The following ANKMY2 variants were observed in gnomAD, a reference collection of about 807,000 sequenced individuals.
ANKMY2 encodes ankyrin repeat and MYND domain-containing protein 2.
Under a neutral mutation model 50.4 loss-of-function variants are expected in ANKMY2, and 36 were observed. That is an observed-to-expected ratio of 0.71 (90% confidence interval 0.55 to 0.94). The LOEUF is 0.94. ANKMY2 is among the 40% of genes least tolerant of loss of function. ANKMY2 has a pLI of 0.00. For missense variants in ANKMY2, 565 were observed against 524.0 expected (o/e 1.08, Z -0.76); for synonymous variants, 187 against 178.8 (o/e 1.05, Z -0.36).
chr7:16,616,081 A>G (rs890026619), intron 4 of ANKMY2, among the ~76,000 whole-genome samples, 177 bp from the exon 5 acceptor site: 3 of 152,204 alleles, frequency 2.0e-5, no homozygotes, highest in Admixed American at 6.5e-5. Flanking sequence ...AACATTTATA[A>G]ACATTCCTTG....
rs1562470347 is a variant in ANKMY2, at chr7:16,645,523, C to T, written c.51G>A (p.Leu17=). 6.2e-7 allele frequency: 1 copy of T among 1,611,822 alleles called. No homozygotes were observed. ...GELTQEEKEL[L]EVIGKGTVQE... Reference sequence around the variant, plus strand: ...CACCCGTACCTTTCCCGATGACTTCCAGTAGCTCCTTCTCCTCCTGGGTCA... The same window carrying T: ...CACCCGTACCTTTCCCGATGACTTCTAGTAGCTCCTTCTCCTCCTGGGTCA... Residue 17 remains leucine, a synonymous_variant, in exon 1 of 10, where the codon CTG becomes CTA. Transcript: ENST00000306999.
chr7:16,632,332 C>T (rs1208040177), intron 2 of ANKMY2, among the ~76,000 whole-genome samples: 1 of 152,094 alleles, frequency 6.6e-6, no homozygotes, highest in South Asian at 2.1e-4. Flanking sequence ...GCAGCCATCA[C>T]CACAATCAAT....
Position 16,619,081 on chromosome 7 carries a change from G to C in ANKMY2, c.371-3177C>G, listed in dbSNP as rs145230083. On this transcript the variant is annotated intron_variant, in intron 4 of 9. Transcript: ENST00000306999. The stretch of plus-strand genomic sequence containing the variant: ...AATTAGGAAAAGCAGGCAGCAGGTA[G>C]AAATATCTGTACATAAAAATAATTG... Among the ~76,000 whole-genome samples the C allele has an allele frequency of 8.6e-3, 1,307 of 151,532 alleles. 24 individuals are homozygous for C. Among genetic ancestry groups the C allele is most frequent in the African/African-American group, 0.029 (1,218 of 41,342 alleles).
chr7:16,621,912 T>C (rs994382026), intron 4 of ANKMY2, among the ~76,000 whole-genome samples: 2 of 151,932 alleles, frequency 1.3e-5, no homozygotes, highest in Admixed American at 1.3e-4. Context: ...GAGGTTGCAG[T>C]GAGCCGAGAT....
At chr7:16,640,232 T>C (rs565265357) in intron 1 of ANKMY2, among the ~76,000 whole-genome samples, 2 of 152,292 alleles carry the variant, frequency 1.3e-5, no homozygotes, top group Non-Finnish European at 2.9e-5. Context: ...AGTTTCCTTA[T>C]CTATGAAATA....
intron 4 of ANKMY2, among the ~76,000 whole-genome samples, chr7:16,624,072 T>A (rs1781476894): frequency 6.6e-6 from 1 of 152,194 alleles, no homozygotes. Flanking sequence ...CCTTGGAGTA[T>A]GTGTTTTCGC....
In ANKMY2 at chr7:16,625,067, T is replaced by C; in HGVS notation, c.286A>G (p.Thr96Ala). The C allele has an allele frequency of 1.2e-6, 2 of 1,613,896 alleles. No homozygotes were observed. The highest frequency in any genetic ancestry group is 1.7e-6 in the Non-Finnish European group (2 of 1,179,772). The change falls in exon 4 of 10, where the codon ACA becomes GCA. Residue 96 changes from threonine to alanine, a missense_variant. By Grantham distance (58) the Thr-to-Ala change is moderately conservative (BLOSUM62 0). Coordinates refer to ENST00000306999, the MANE Select transcript of ANKMY2 (RefSeq NM_020319.3). ...GCACCAGCTTCTAACATTACCCATG[T>C]GATGTCTTTATTACCTAGAGTTTTA... ...FAALSGNKDI[T>A]WVMLEAGAET...
intron 7 of ANKMY2, among the ~76,000 whole-genome samples, chr7:16,605,665 T>C (rs1399097786): frequency 7.0e-6 from 1 of 142,954 alleles, no homozygotes; most frequent in Non-Finnish European, 1.5e-5. Flanking sequence ...GCCCAGCTAA[T>C]TTTTTGTACT....
chr7:16,637,076 G>T (rs988973669), intron 1 of ANKMY2, among the ~76,000 whole-genome samples: 1 of 152,166 alleles, frequency 6.6e-6, no homozygotes, highest in African/African-American at 2.4e-5. Context: ...AAAGTTGTCA[G>T]GTTTTTCCAG....
At chr7:16,630,252 G>C (rs1174748752) in intron 2 of ANKMY2, among the ~76,000 whole-genome samples, 1 of 152,012 alleles carries the variant, frequency 6.6e-6, no homozygotes, top group Admixed American at 6.6e-5. Context: ...AAAATCTCCA[G>C]AATTTTCACT....
intron 1 of ANKMY2, among the ~76,000 whole-genome samples, chr7:16,642,594 A>G (rs562056550): frequency 6.6e-6 from 1 of 152,216 alleles, no homozygotes; most frequent in Non-Finnish European, 1.5e-5. Context: ...TTGTTAGTTC[A>G]AAGTACTAGA....
chr7:16,601,518 A>G (rs563812641), intron 9 of ANKMY2, among the ~76,000 whole-genome samples: 131 of 152,376 alleles, frequency 8.6e-4, no homozygotes, highest in Non-Finnish European at 1.6e-3. Context: ...AGTTTGGTCA[A>G]GAAAACAAGA....
chr7:16,642,683 A>T (rs547106033), intron 1 of ANKMY2, among the ~76,000 whole-genome samples: 4 of 151,756 alleles, frequency 2.6e-5, no homozygotes, highest in African/African-American at 9.6e-5. Context: ...CACCCACTTT[A>T]AAAAAAATGC....
At chr7:16,625,594 GC>G (rs1781496596) in intron 3 of ANKMY2, among the ~76,000 whole-genome samples, 1 of 152,012 alleles carries the variant, frequency 6.6e-6, no homozygotes, top group African/African-American at 2.4e-5. Flanking sequence ...TGGGTATTTT[GC>G]TATTATGAAC....
chr7:16,641,362 A>C (rs1173326457), intron 1 of ANKMY2, among the ~76,000 whole-genome samples: 1 of 152,244 alleles, frequency 6.6e-6, no homozygotes, highest in Non-Finnish European at 1.5e-5. Context: ...TTTGTAAAAA[A>C]ATGATCTTAA....
At position 16,615,836 on chromosome 7, in the gene ANKMY2, G is replaced by A; in HGVS notation, c.439C>T (p.Pro147Ser). ...PRERLDYYTK[P>S]QGLDKEPKLP... is the part of the protein sequence containing the mutation. ...TTTGGCTCTTTATCCAGTCCCTGGGGCTTAGTGTAATAATCCAGTCTCTCT... is the reference window on the plus strand; with the variant it reads ...TTTGGCTCTTTATCCAGTCCCTGGGACTTAGTGTAATAATCCAGTCTCTCT... Residue 147 changes from proline to serine, a missense_variant, in exon 5 of 10, where the codon CCC (proline) becomes TCC (serine). By Grantham distance (74) the Pro-to-Ser change is moderately conservative. Coordinates refer to ENST00000306999, the MANE Select transcript of ANKMY2 (RefSeq NM_020319.3). 17 of 1,614,128 alleles carry A rather than the reference G, an allele frequency of 1.1e-5. No homozygotes were observed. The highest frequency in any genetic ancestry group is 1.4e-5 in the Non-Finnish European group (16 of 1,180,034).
At chr7:16,635,700 G>C (rs1781649743) in intron 2 of ANKMY2, among the ~76,000 whole-genome samples, 1 of 152,076 alleles carries the variant, frequency 6.6e-6, no homozygotes, top group South Asian at 2.1e-4. Flanking sequence ...ATTGAGTTTA[G>C]GTTCACTTAA....
chr7:16,605,350 A>G (rs1781136966), intron 7 of ANKMY2, among the ~76,000 whole-genome samples: 1 of 152,220 alleles, frequency 6.6e-6, no homozygotes, highest in Non-Finnish European at 1.5e-5. Context: ...AATTCAAATA[A>G]ATTATCACCA....
chr7:16,621,901 GGAGGTTGCAGTGA>G, intron 4 of ANKMY2, among the ~76,000 whole-genome samples: 1 of 152,064 alleles, frequency 6.6e-6, no homozygotes. Flanking sequence ...CCCAGGAGGT[GGAGGTTGCAGTGA>G]GCCGAGATTA....
Sources: allele counts gnomAD v4.1 joint callset (sites outside exome capture counted in the v4.1 genomes callset), GRCh38; gene constraint gnomAD v4.1.1; transcripts MANE v1.5; gene names NCBI Gene and HGNC (gene_info 2026-07-23, HGNC 2026-07-21).